The following TMEM255A variants were observed in gnomAD, a reference collection of about 807,000 sequenced individuals.
The protein encoded by TMEM255A is family with sequence similarity 70, member A.
TMEM255A carries 14 observed loss-of-function variants against 23.5 expected under a neutral mutation model. The observed-to-expected ratio is 0.60, with a 90% CI of 0.39 to 0.93. The LOEUF (loss-of-function observed/expected upper bound fraction) is 0.93. Among genes scored for constraint, TMEM255A ranks in the 40% least tolerant of loss-of-function variants. The pLI is 0.00. For synonymous variants in TMEM255A, 104 were observed against 100.3 expected, an observed-to-expected ratio of 1.04 and a Z score of -0.22; for missense variants, 233 against 261.7, an observed-to-expected ratio of 0.89 and a Z score of 0.76.
chrX:120,304,515 A>G (rs782526536), intron 1 of TMEM255A, 24 bp from the exon 2 acceptor site: 1 of 1,204,592 alleles, frequency 8.3e-7, no homozygotes, highest in South Asian at 1.8e-5. Context: ...GAGAAATTAA[A>G]ATTGCTCATT....
chrX:120,310,503 C>A (rs782732281), intron 1 of TMEM255A, among the ~76,000 whole-genome samples: 1 of 111,847 alleles, frequency 8.9e-6, no homozygotes, highest in East Asian at 2.8e-4. Context: ...CGCGGGCTCG[C>A]GCTGGATGTT....
At chrX:120,265,858 G>C (rs781803204) in intron 8 of TMEM255A, among the ~76,000 whole-genome samples, 27 of 110,416 alleles carry the variant, frequency 2.4e-4, no homozygotes, top group Non-Finnish European at 4.6e-4. Context: ...TAAAAAGTAA[G>C]GGTGGGCCAG....
intron 7 of TMEM255A, among the ~76,000 whole-genome samples, chrX:120,275,480 G>A (rs781782977): frequency 4.8e-4 from 53 of 111,047 alleles, no homozygotes; most frequent in African/African-American, 1.7e-3. Context: ...CCTTTTGACC[G>A]TCCAGGATCA....
At chrX:120,254,143 T>C, downstream of TMEM255A, 1 of 1,211,280 alleles carries the variant, frequency 8.3e-7, no homozygotes, top group South Asian at 1.8e-5. Flanking sequence ...TTAACAAATA[T>C]CACACCTACT....
At chrX:120,297,153 T>A (rs1204960720) in intron 2 of TMEM255A, among the ~76,000 whole-genome samples, 7 of 53,959 alleles carry the variant, frequency 1.3e-4, no homozygotes, top group South Asian at 1.1e-3. Context: ...TTATATTATA[T>A]TATAATATAT....
chrX:120,296,456 T>TCTATTCTATTCTA (rs1569339313), intron 2 of TMEM255A, among the ~76,000 whole-genome samples: 2 of 102,167 alleles, frequency 2.0e-5, no homozygotes, highest in African/African-American at 3.6e-5. Flanking sequence ...TGCATTCAGT[T>TCTATTCTATTCTA]TTCTGACGTT....
At chrX:120,291,109 ACTC>A in intron 4 of TMEM255A, 139 bp downstream of exon 4, 1 of 513,950 alleles carries the variant, frequency 1.9e-6, no homozygotes, top group Admixed American at 3.3e-5. Flanking sequence ...TTGACTGCCA[ACTC>A]CTTGAGAAAA....
chrX:120,281,660 C>G lies in TMEM255A; in HGVS notation c.512+3467G>C, dbSNP rs187138508. Among the ~76,000 whole-genome samples, 191 of 112,796 alleles carry G rather than the reference C, an allele frequency of 1.7e-3. 1 individual carries two copies. The highest frequency in any genetic ancestry group is 5.5e-3 in the African/African-American group (172 of 31,078). On this transcript the variant is annotated intron_variant, in intron 6 of 8. Transcript: ENST00000371369. ...TAGTAGGAGCTCAAGAAAAGTTTGT[C>G]GAAGAAAAGAGTGAATGGAAGTAGG...
At position 120,260,485 on chromosome X, in the gene TMEM255A, G is replaced by T; in HGVS notation, c.*385C>A. ...GAAAGATAGGGCCTATAAACCAGGT[G>T]CTTCAACCTAGGTGCTGGGGTGGCA... On this transcript the variant is annotated 3_prime_UTR_variant, in exon 9 of 9. Coordinates refer to ENST00000371369, the MANE Select transcript of TMEM255A (RefSeq NM_001104544.3). 1 of 132,054 alleles carries T rather than the reference G, an allele frequency of 7.6e-6. No individual in the cohort carries two copies. Among genetic ancestry groups the T allele is most frequent in the South Asian group, 2.9e-4 (1 of 3,438 alleles). 10.9% of individuals were successfully genotyped at this position (132,054 alleles called of 1,213,427 possible).
intron 2 of TMEM255A, among the ~76,000 whole-genome samples, chrX:120,302,441 G>A (rs2058038620): frequency 9.1e-6 from 1 of 110,488 alleles, no homozygotes; most frequent in African/African-American, 3.3e-5. Flanking sequence ...CCTATAAATT[G>A]CTTTTCCAAG....
chrX:120,255,369 A>G (rs190526366), downstream of TMEM255A: 249 of 1,209,948 alleles, frequency 2.1e-4, no homozygotes, highest in East Asian at 6.2e-3. Context: ...AAATGATTCA[A>G]TTTTTAAACA....
rs1556028369 is a variant in TMEM255A at position 120,311,311 on chromosome X, G to A, written c.-2C>T. On this transcript the variant is annotated 5_prime_UTR_variant, in exon 1 of 9. Coordinates refer to ENST00000371369, the MANE Select transcript of TMEM255A (RefSeq NM_001104544.3). ...CTGCTGAGTCAGGGACTGATGCATG[G>A]TGAAAACTGCCCGGTTGCCCCAGTC... 8.5e-7 allele frequency: 1 copy of A among 1,176,279 alleles called. No individual in the cohort carries two copies. Among genetic ancestry groups the A allele is most frequent in the Non-Finnish European group, 1.1e-6 (1 of 876,676 alleles).
chrX:120,298,079 G>A (rs2058008958), intron 2 of TMEM255A, among the ~76,000 whole-genome samples: 1 of 107,792 alleles, frequency 9.3e-6, no homozygotes. Context: ...AGTTTGCTTT[G>A]TTTTGGCTGT....
At chrX:120,287,337 AGAAG>A in intron 4 of TMEM255A, 115 bp from the exon 5 acceptor site, 2 of 555,924 alleles carry the variant, frequency 3.6e-6, no homozygotes, top group Non-Finnish European at 6.2e-6. Flanking sequence ...ACACACACAC[AGAAG>A]CAGGCAGGCA....
chrX:120,310,593 A>G (rs1004785673), intron 1 of TMEM255A, among the ~76,000 whole-genome samples: 1 of 111,327 alleles, frequency 9.0e-6, no homozygotes, highest in East Asian at 2.9e-4. Context: ...CAGAGTAACA[A>G]TCAAATTCAA....
chrX:120,297,094 AT>A (rs1556024900), intron 2 of TMEM255A, among the ~76,000 whole-genome samples: 6 of 23,012 alleles, frequency 2.6e-4, no homozygotes, highest in African/African-American at 1.6e-3. Context: ...TATAATATAT[AT>A]AATATTATAT....
chrX:120,278,242 G>A (rs1419441526), intron 6 of TMEM255A, among the ~76,000 whole-genome samples: 1 of 108,583 alleles, frequency 9.2e-6, no homozygotes, highest in East Asian at 2.9e-4. Context: ...GCCCTCACCA[G>A]AGCTCGACCA....
At chrX:120,268,910 G>A (rs1361712714) in intron 7 of TMEM255A, among the ~76,000 whole-genome samples, 1 of 111,633 alleles carries the variant, frequency 9.0e-6, no homozygotes, top group African/African-American at 3.3e-5. Flanking sequence ...ATCAAATAGA[G>A]AAGGCCGAAC....
chrX:120,275,717 C>T (rs782334369), intron 7 of TMEM255A, among the ~76,000 whole-genome samples: 1 of 104,084 alleles, frequency 9.6e-6, no homozygotes, highest in Non-Finnish European at 2.0e-5. Flanking sequence ...AACCAAAAAA[C>T]AAAACCTGAT....
Sources: allele counts gnomAD v4.1 joint callset (sites outside exome capture counted in the v4.1 genomes callset), GRCh38; gene constraint gnomAD v4.1.1; transcripts MANE v1.5; gene names NCBI Gene and HGNC (gene_info 2026-07-23, HGNC 2026-07-21).